Variants in SASH1 observed in about 807,000 individuals in gnomAD.
SASH1 encodes SAM and SH3 domain-containing protein 1.
SASH1 carries 44 observed loss-of-function variants against 125.2 expected under a neutral mutation model. The observed-to-expected ratio is 0.35, with a 90% CI of 0.28 to 0.45. The LOEUF (loss-of-function observed/expected upper bound fraction) is 0.45. Among genes scored for constraint, SASH1 ranks in the 20% least tolerant of loss-of-function variants. The pLI, the probability that SASH1 is intolerant of heterozygous loss-of-function variation, is 1.00. For synonymous variants in SASH1, 639 were observed against 649.1 expected (o/e 0.98, Z 0.24); for missense variants, 1,426 against 1,614.5 (o/e 0.88, Z 2.00).
At chr6:148,513,324 T>C in intron 8 of SASH1, 1 of 985,436 alleles carries the variant, frequency 1.0e-6, no homozygotes, top group African/African-American at 1.7e-5. Flanking sequence ...TGAGCTGGAA[T>C]TGCTCACCCA....
chr6:148,315,492 C>A (rs564707744), intron 1 of SASH1, among the ~76,000 whole-genome samples: 1 of 152,102 alleles, frequency 6.6e-6, no homozygotes, highest in Non-Finnish European at 1.5e-5. Flanking sequence ...TTTAAAAGAC[C>A]GTACTTTTTT....
chr6:148,397,935 G>A (rs1336927634), intron 2 of SASH1, among the ~76,000 whole-genome samples: 2 of 152,108 alleles, frequency 1.3e-5, no homozygotes, highest in African/African-American at 4.8e-5. Flanking sequence ...TACTCTTACC[G>A]TGCTGTGCAG....
chr6:148,494,472 T>C (rs1020172960), intron 8 of SASH1, among the ~76,000 whole-genome samples: 1 of 152,020 alleles, frequency 6.6e-6, no homozygotes, highest in Non-Finnish European at 1.5e-5. Context: ...CACTTTTGCT[T>C]TTGGGGAGTT....
At chr6:148,209,784 C>T in the SASH1 span, among the ~76,000 whole-genome samples, 1 of 152,168 alleles carries the variant, frequency 6.6e-6, no homozygotes, top group Non-Finnish European at 1.5e-5. Context: ...TTGCATCTAA[C>T]TTCAGCTTCT....
the SASH1 span, among the ~76,000 whole-genome samples, chr6:148,264,312 T>C: frequency 1.3e-5 from 2 of 152,078 alleles, no homozygotes; most frequent in South Asian, 2.1e-4. Context: ...TACAAAAATA[T>C]GAAGGATTAG....
the SASH1 span, among the ~76,000 whole-genome samples, chr6:148,244,846 A>T: frequency 6.6e-6 from 1 of 150,740 alleles, no homozygotes; most frequent in Non-Finnish European, 1.5e-5. Flanking sequence ...GGAAGAAAGA[A>T]CTTCATTTGC....
chr6:148,465,063 T>C (rs1398009162), intron 4 of SASH1, among the ~76,000 whole-genome samples: 1 of 152,220 alleles, frequency 6.6e-6, no homozygotes, highest in Non-Finnish European at 1.5e-5. Context: ...AGTCATCATT[T>C]CAGAGAGGAA....
the SASH1 span, among the ~76,000 whole-genome samples, chr6:148,266,426 G>A: frequency 2.3e-3 from 349 of 152,254 alleles, 3 homozygotes; most frequent in African/African-American, 7.6e-3. Flanking sequence ...AGTTTCCTAC[G>A]CTATAAAATG....
intron 17 of SASH1, 54 bp from the exon 18 acceptor site, chr6:148,543,625 CG>C: frequency 7.0e-7 from 1 of 1,426,978 alleles, no homozygotes; most frequent in South Asian, 1.4e-5. Flanking sequence ...TTTATGCATC[CG>C]TTTGATTGAT....
chr6:148,533,710 T>A lies in SASH1; in HGVS notation c.1735-61T>A, dbSNP rs1781661875. On this transcript the variant is annotated intron_variant, in intron 14 of 19. Coordinates refer to ENST00000367467, the MANE Select transcript of SASH1 (RefSeq NM_015278.5). The surrounding 1 kb of genome is among the most constrained non-coding windows in gnomAD (Gnocchi z 6.2). ...TGCATGACCTGTGTATCTGACAGAT[T>A]CTTGATTTGTACGTTCATGGAATGT... 6.8e-7 allele frequency: 1 copy of A among 1,478,560 alleles called. No individual in the cohort carries two copies. Among genetic ancestry groups the A allele is most frequent in the Non-Finnish European group, 9.3e-7 (1 of 1,070,722 alleles). The allele number at this position is 1,478,560 out of a possible 1,614,324, so 91.6% of individuals were successfully genotyped here.
intron 9 of SASH1, among the ~76,000 whole-genome samples, chr6:148,515,818 G>A (rs1406450681): frequency 2.6e-5 from 4 of 152,106 alleles, no homozygotes; most frequent in African/African-American, 9.7e-5. Flanking sequence ...AACTTTAAGG[G>A]CACATTTGGT....
intron 12 of SASH1, among the ~76,000 whole-genome samples, chr6:148,528,114 G>C (rs1473539831): frequency 6.6e-6 from 1 of 152,080 alleles, no homozygotes; most frequent in Non-Finnish European, 1.5e-5. Flanking sequence ...GTTTCAGAGA[G>C]GGGTGTTTTC....
At chr6:148,351,214 T>C (rs894975678) in intron 1 of SASH1, among the ~76,000 whole-genome samples, 26 of 108,828 alleles carry the variant, frequency 2.4e-4, no homozygotes, top group African/African-American at 8.8e-4. Context: ...TTTTTTTTTT[T>C]CTGAAAGGCT....
chr6:148,474,046 G>A (rs551039523), intron 6 of SASH1, 64 bp from the exon 7 acceptor site: 26 of 967,892 alleles, frequency 2.7e-5, no homozygotes, highest in South Asian at 1.5e-4. Flanking sequence ...CAGATGTTCC[G>A]CATTGACGTT....
intron 4 of SASH1, among the ~76,000 whole-genome samples, chr6:148,464,704 T>TAG (rs1384383583): frequency 6.6e-6 from 1 of 152,208 alleles, no homozygotes; most frequent in Admixed American, 6.5e-5. Context: ...GCACTGCTTC[T>TAG]ATGCCAGCTT....
the SASH1 span, among the ~76,000 whole-genome samples, chr6:148,264,518 T>G: frequency 1.3e-5 from 2 of 152,234 alleles, no homozygotes; most frequent in Admixed American, 6.5e-5. Context: ...GGTTTCTTAT[T>G]GGGTCTCAAA....
chr6:148,362,686 A>G (rs1172266392), intron 1 of SASH1, among the ~76,000 whole-genome samples: 1 of 151,884 alleles, frequency 6.6e-6, no homozygotes, highest in African/African-American at 2.4e-5. Flanking sequence ...CCTTCTCTAC[A>G]AAAAATAAAA....
At chr6:148,508,494 T>A (rs1779931903) in intron 8 of SASH1, 1 of 1,008,220 alleles carries the variant, frequency 9.9e-7, no homozygotes, top group Non-Finnish European at 1.2e-6. Flanking sequence ...CAGGGAGCCT[T>A]CCTCAGTGAA....
chr6:148,259,751 G>A, the SASH1 span, among the ~76,000 whole-genome samples: 3 of 152,190 alleles, frequency 2.0e-5, no homozygotes, highest in Non-Finnish European at 4.4e-5. Flanking sequence ...AAGACTTTTG[G>A]ATCCCGCAGA....
Sources: allele counts gnomAD v4.1 joint callset (sites outside exome capture counted in the v4.1 genomes callset), GRCh38; gene constraint gnomAD v4.1.1; non-coding constraint Gnocchi (gnomAD v3.1); transcripts MANE v1.5; gene names NCBI Gene and HGNC (gene_info 2026-07-23, HGNC 2026-07-21).